DHX57: variants seen among roughly 807,000 people sequenced by gnomAD.
The protein encoded by DHX57 is DExH-box helicase 57.
DHX57 carries 105 observed loss-of-function variants against 156.2 expected under a neutral mutation model. That is an observed-to-expected ratio of 0.67 (90% CI 0.57 to 0.79). The LOEUF (loss-of-function observed/expected upper bound fraction) is 0.79, where lower values mean the gene tolerates loss of function less well. Among genes scored for constraint, DHX57 ranks in the 30% least tolerant of loss-of-function variants. The pLI, the probability that DHX57 is intolerant of heterozygous loss-of-function variation, is 0.00. For synonymous variants in DHX57, 704 were observed against 595.6 expected (o/e 1.18, Z -2.65); for missense variants, 1,847 against 1,661.9 (o/e 1.11, Z -1.94).
intron 8 of DHX57, 49 bp from the exon 9 acceptor site, chr2:38,854,227 A>T: frequency 6.3e-7 from 1 of 1,586,180 alleles, no homozygotes; most frequent in African/African-American, 1.4e-5. Flanking sequence ...TTTCAAAAAA[A>T]GGAAACATTA....
chr2:38,846,995 A>C, intron 11 of DHX57, 24 bp downstream of exon 11: 2 of 1,599,824 alleles, frequency 1.3e-6, no homozygotes, highest in Middle Eastern at 3.3e-4. Context: ...CCTTTCACTG[A>C]ATCTTAATTA....
chr2:38,813,695 G>T, intron 21 of DHX57, 126 bp downstream of exon 21: 2 of 1,087,018 alleles, frequency 1.8e-6, no homozygotes, highest in Non-Finnish European at 2.7e-6. Flanking sequence ...AAGTTTAAAA[G>T]GGTGTGCGTG....
chr2:38,858,275 T>G (rs1558399474), intron 6 of DHX57, among the ~76,000 whole-genome samples: 1 of 152,074 alleles, frequency 6.6e-6, no homozygotes, highest in African/African-American at 2.4e-5. Context: ...TTGGCTAGGG[T>G]GGTCTTGAAC....
intron 1 of DHX57, among the ~76,000 whole-genome samples, chr2:38,868,960 C>T (rs1401863868): frequency 1.3e-5 from 2 of 152,218 alleles, no homozygotes; most frequent in East Asian, 1.9e-4. Context: ...TGCCACCACG[C>T]CCAGCTAATA....
At chr2:38,856,717 G>A in intron 6 of DHX57, 1 of 272,190 alleles carries the variant, frequency 3.7e-6, no homozygotes, top group Non-Finnish European at 6.8e-6. Context: ...GCCCAGGCTG[G>A]CCTCAAACTC....
At chr2:38,855,461 T>C (rs1672849659) in intron 7 of DHX57, among the ~76,000 whole-genome samples, 1 of 152,122 alleles carries the variant, frequency 6.6e-6, no homozygotes. Flanking sequence ...AATCAAATAA[T>C]AGTTTAGTAA....
At chr2:38,849,963 G>A (rs1328077739) in intron 9 of DHX57, among the ~76,000 whole-genome samples, 1 of 151,938 alleles carries the variant, frequency 6.6e-6, no homozygotes, top group Non-Finnish European at 1.5e-5. Flanking sequence ...ACCATATTCT[G>A]TATTTTACTT....
At chr2:38,803,607 C>G (rs1200229977) in intron 22 of DHX57, among the ~76,000 whole-genome samples, 1 of 151,796 alleles carries the variant, frequency 6.6e-6, no homozygotes, top group African/African-American at 2.4e-5. Context: ...CCTGCCTCAG[C>G]CTCCCAAGTA....
chr2:38,832,945 T>A (rs1180656497), intron 13 of DHX57, among the ~76,000 whole-genome samples: 1 of 151,860 alleles, frequency 6.6e-6, no homozygotes, highest in African/African-American at 2.4e-5. Context: ...TGTTCTAGGG[T>A]CTGAGAAATA....
intron 21 of DHX57, chr2:38,810,306 G>A (rs1453948784): frequency 3.5e-6 from 1 of 287,816 alleles, no homozygotes; most frequent in South Asian, 3.5e-5. Context: ...CAAAGCTGGG[G>A]CCCGGCAGCC....
intron 21 of DHX57, chr2:38,811,776 G>A (rs542354643): frequency 4.3e-4 from 200 of 463,804 alleles, no homozygotes; most frequent in African/African-American, 3.7e-3. Flanking sequence ...TTTCTTATTG[G>A]TGAGTTCTTA....
At position 38,843,111 on chromosome 2, in the gene DHX57, C is replaced by T. The variant is rs144421569; in HGVS notation, c.2319G>A (p.Val773=). Residue 773 remains valine (V), a synonymous_variant, in exon 12 of 24, where the codon GTG becomes GTA. Coordinates refer to ENST00000457308, the MANE Select transcript of DHX57 (RefSeq NM_198963.3). ...GAAGGGAGAGCCTTAGGTCTTCTTC[C>T]ACTTCTTCAAATGCAGTTCTGTTCC... ...ARRNRTAFEE[V]EEDLRLSLHL... The T allele has an allele frequency of 1.2e-4, 201 of 1,614,150 alleles. No individual in the cohort carries two copies. In the African/African-American group the frequency reaches 2.1e-3, roughly 17 times the overall value.
intron 1 of DHX57, among the ~76,000 whole-genome samples, chr2:38,874,631 G>T (rs547578670): frequency 2.7e-4 from 41 of 151,718 alleles, no homozygotes; most frequent in African/African-American, 9.7e-4. Context: ...GGATGGTCTC[G>T]ATCTCCTGAC....
intron 1 of DHX57, among the ~76,000 whole-genome samples, chr2:38,871,715 T>C (rs2124954064): frequency 6.6e-6 from 1 of 151,426 alleles, no homozygotes; most frequent in South Asian, 2.1e-4. Flanking sequence ...TCATTCTTTT[T>C]TTTTTTTTTT....
intron 21 of DHX57, chr2:38,810,667 C>A (rs1670197327): frequency 1.5e-6 from 1 of 683,722 alleles, no homozygotes; most frequent in Non-Finnish European, 2.7e-6. Flanking sequence ...CTTGGCAATG[C>A]AGTGGTGGGC....
intron 14 of DHX57, among the ~76,000 whole-genome samples, chr2:38,828,126 G>A (rs1671197076): frequency 6.6e-6 from 1 of 152,188 alleles, no homozygotes; most frequent in African/African-American, 2.4e-5. Context: ...AAAGAGCTGG[G>A]ATTACAGGCA....
chr2:38,798,183 G>C lies in DHX57; in HGVS notation c.*116C>G. 7.1e-7 allele frequency: 1 copy of C among 1,406,242 alleles called. No individual in the cohort carries two copies. Among genetic ancestry groups the C allele is most frequent in the Non-Finnish European group, 9.6e-7 (1 of 1,040,794 alleles). 87.1% of individuals were successfully genotyped at this position (1,406,242 alleles called of 1,614,324 possible). ...TCAGCTGCCTTGGGCTTCATGCCCT[G>C]GGCTCCTCCACCAGGGCCAGCCCCA... is the stretch of plus-strand genomic sequence containing the variant. On this transcript the variant is annotated 3_prime_UTR_variant, in exon 24 of 24. Coordinates refer to ENST00000457308, the MANE Select transcript of DHX57 (RefSeq NM_198963.3).
chr2:38,848,585 T>G (rs1342963821), intron 9 of DHX57, among the ~76,000 whole-genome samples, 183 bp from the exon 10 acceptor site: 1 of 152,194 alleles, frequency 6.6e-6, no homozygotes, highest in Non-Finnish European at 1.5e-5. Context: ...GTTGAATATC[T>G]GTTATGTGAA....
chr2:38,828,273 G>A (rs1241419337), intron 14 of DHX57, 67 bp downstream of exon 14: 12 of 1,261,012 alleles, frequency 9.5e-6, no homozygotes, highest in Non-Finnish European at 1.3e-5. Flanking sequence ...AGGGTCTAAA[G>A]AGGGTGATGA....
Sources: gnomAD v4.1 joint callset for allele counts (sites outside exome capture counted in the v4.1 genomes callset) on GRCh38, gnomAD v4.1.1 for gene constraint, MANE v1.5 for transcripts, NCBI Gene and HGNC (gene_info 2026-07-23, HGNC 2026-07-21) for gene names.